EXOC4: variants seen among roughly 807,000 people sequenced by gnomAD.
EXOC4 encodes the protein exocyst complex component 4.
In EXOC4, 71 loss-of-function variants were observed where a neutral mutation model predicts 107.2. That is an observed-to-expected ratio of 0.66 (90% CI 0.55 to 0.81). The LOEUF is 0.81. Among genes scored for constraint, EXOC4 ranks in the 30% least tolerant of loss-of-function variants. EXOC4 has a pLI of 0.00. For synonymous variants in EXOC4, 456 were observed against 441.2 expected, an observed-to-expected ratio of 1.03 and a Z score of -0.42; for missense variants, 1,108 against 1,189.6, an observed-to-expected ratio of 0.93 and a Z score of 1.01.
Position 133,488,417 on chromosome 7 carries a change from C to A in EXOC4, c.1417+8279C>A, listed in dbSNP as rs187940125. On this transcript the variant is annotated intron_variant, in intron 9 of 17. Transcript: ENST00000253861. ...TGGGGGTGAGGATTCAACCTCACTT[C>A]ATCTTTTTCTTTTTCCTTCCTCTGT... Among the ~76,000 whole-genome samples the A allele has an allele frequency of 2.6e-5, 4 of 152,214 alleles. No homozygotes were observed. In the East Asian group the frequency reaches 7.7e-4, roughly 29 times the overall value.
intron 9 of EXOC4, chr7:133,551,585 C>G (rs1397948930): frequency 2.0e-5 from 3 of 152,038 alleles, no homozygotes; most frequent in African/African-American, 7.2e-5. Flanking sequence ...AGCACGAGTA[C>G]AGAGAGTTGA....
At chr7:134,031,507 A>G (rs1795270535) in intron 17 of EXOC4, among the ~76,000 whole-genome samples, 1 of 152,106 alleles carries the variant, frequency 6.6e-6, no homozygotes, top group Non-Finnish European at 1.5e-5. Flanking sequence ...TACTATCATC[A>G]CTGTTGTTAT....
chr7:133,918,227 G>T (rs1221773475), intron 13 of EXOC4, among the ~76,000 whole-genome samples: 2 of 152,050 alleles, frequency 1.3e-5, no homozygotes. Context: ...TGATCCACCT[G>T]CCTCGGCCTC....
chr7:133,595,221 G>T (rs1325318688), intron 9 of EXOC4, among the ~76,000 whole-genome samples: 1 of 152,136 alleles, frequency 6.6e-6, no homozygotes, highest in Non-Finnish European at 1.5e-5. Flanking sequence ...AGAGCAAGTG[G>T]TATCCTGGAG....
chr7:133,631,394 A>G (rs1344878779), intron 10 of EXOC4, among the ~76,000 whole-genome samples: 2 of 152,126 alleles, frequency 1.3e-5, no homozygotes, highest in African/African-American at 4.8e-5. Flanking sequence ...GAGACTTACT[A>G]AATTGATACC....
chr7:133,466,261 G>A (rs564525524), intron 7 of EXOC4, among the ~76,000 whole-genome samples: 23 of 151,964 alleles, frequency 1.5e-4, no homozygotes, highest in Non-Finnish European at 3.1e-4. Flanking sequence ...GAACCAAATA[G>A]AGGTCTTTTG....
intron 7 of EXOC4, among the ~76,000 whole-genome samples, chr7:133,420,007 A>G (rs1424720455): frequency 7.0e-6 from 1 of 142,764 alleles, no homozygotes; most frequent in Non-Finnish European, 1.5e-5. Context: ...TTTAGGGTAC[A>G]TGTGCACATT....
chr7:133,746,946 AAG>A (rs1160090739), intron 10 of EXOC4, among the ~76,000 whole-genome samples: 4 of 152,152 alleles, frequency 2.6e-5, no homozygotes, highest in African/African-American at 7.2e-5. Flanking sequence ...AGATGAGAGA[AAG>A]AGAGAAGGAA....
At chr7:133,578,969 T>G (rs1424223419) in intron 9 of EXOC4, among the ~76,000 whole-genome samples, 1 of 152,164 alleles carries the variant, frequency 6.6e-6, no homozygotes, top group Non-Finnish European at 1.5e-5. Flanking sequence ...GTAGCTCTTG[T>G]TAACTTGAAA....
chr7:133,554,856 G>T (rs1403160046), intron 9 of EXOC4, among the ~76,000 whole-genome samples: 1 of 152,172 alleles, frequency 6.6e-6, no homozygotes, highest in Non-Finnish European at 1.5e-5. Context: ...CCTATGCCTT[G>T]CACATTACAT....
chr7:133,719,597 C>G (rs1795065551), intron 10 of EXOC4, among the ~76,000 whole-genome samples: 1 of 151,544 alleles, frequency 6.6e-6, no homozygotes, highest in Admixed American at 6.6e-5. Flanking sequence ...GTCTGCTGCT[C>G]TTCATCATTG....
At chr7:133,958,497 A>C (rs2116825136) in intron 14 of EXOC4, among the ~76,000 whole-genome samples, 1 of 152,292 alleles carries the variant, frequency 6.6e-6, no homozygotes, top group African/African-American at 2.4e-5. Flanking sequence ...CTAAATGTGG[A>C]TTTTATTTAC....
intron 6 of EXOC4, among the ~76,000 whole-genome samples, chr7:133,371,102 C>T (rs143690333): frequency 6.6e-6 from 1 of 152,272 alleles, no homozygotes; most frequent in African/African-American, 2.4e-5. Flanking sequence ...GTAAAGGAAT[C>T]AGCTTTCACA....
intron 10 of EXOC4, among the ~76,000 whole-genome samples, chr7:133,737,909 C>CTTTTTT (rs10673346): frequency 0.027 from 2,417 of 88,980 alleles, 20 homozygotes; most frequent in East Asian, 0.041. Context: ...ATTTTTCTTT[C>CTTTTTT]TTTTTTTTTT....
chr7:133,686,993 TTGTGTGTGTGTGTGTGTG>T (rs1027053373), intron 10 of EXOC4, among the ~76,000 whole-genome samples: 2 of 7,572 alleles, frequency 2.6e-4, no homozygotes, highest in African/African-American at 4.9e-4. Flanking sequence ...ATAAAGAATT[TTGTGTGTGTGTGTGTGTG>T]TGTGTGTGTG....
At chr7:133,287,033 G>A (rs1242746490) in intron 2 of EXOC4, among the ~76,000 whole-genome samples, 1 of 152,050 alleles carries the variant, frequency 6.6e-6, no homozygotes, top group Non-Finnish European at 1.5e-5. Flanking sequence ...CCTCCTTTTT[G>A]GTGTTAGTAA....
chr7:133,656,562 A>G (rs1252003244), intron 10 of EXOC4, among the ~76,000 whole-genome samples: 2 of 152,206 alleles, frequency 1.3e-5, no homozygotes, highest in Admixed American at 1.3e-4. Flanking sequence ...CCAACTACTA[A>G]TGAAATGACC....
Position 133,494,384 on chromosome 7 carries a change from C to T in EXOC4, c.1417+14246C>T, listed in dbSNP as rs138805076. On this transcript the variant is annotated intron_variant, in intron 9 of 17. Transcript: ENST00000253861. ...TCTGAAAGGGAAATTTTTGACTTGG[C>T]TTAGAAAGCAAGCAATAAATTGTTT... 7.9e-5 allele frequency among the ~76,000 whole-genome samples: 12 copies of T among 152,222 alleles called. No individual in the cohort carries two copies. The East Asian group carries it at 2.1e-3, about 27-fold the overall frequency.
chr7:134,080,879 G>A, the EXOC4 span, among the ~76,000 whole-genome samples: 2 of 152,030 alleles, frequency 1.3e-5, no homozygotes, highest in Admixed American at 6.6e-5. Flanking sequence ...CCAGAAGTTC[G>A]GGGTTGAATT....
Sources: gnomAD v4.1 joint callset for allele counts (sites outside exome capture counted in the v4.1 genomes callset) on GRCh38, gnomAD v4.1.1 for gene constraint, MANE v1.5 for transcripts, NCBI Gene and HGNC (gene_info 2026-07-23, HGNC 2026-07-21) for gene names.